The following GALNTL6 variants were observed in gnomAD, a reference collection of about 807,000 sequenced individuals.
GALNTL6 encodes polypeptide N-acetylgalactosaminyltransferase like 6, also known as polypeptide N-acetylgalactosaminyltransferase-like 6.
In GALNTL6, 46 loss-of-function variants were observed where a neutral mutation model predicts 73.7. That is an observed-to-expected ratio of 0.62 (90% confidence interval 0.49 to 0.80). GALNTL6 has a LOEUF of 0.80. GALNTL6 is among the 30% of genes least tolerant of loss of function. The probability of loss-of-function intolerance (pLI) is 0.00; values close to 1 mark genes in which losing one functional copy is unlikely to be tolerated. For missense variants in GALNTL6, 604 were observed against 755.0 expected (o/e 0.80, Z 2.34); for synonymous variants, 259 against 263.7 (o/e 0.98, Z 0.17).
intron 2 of GALNTL6, among the ~76,000 whole-genome samples, chr4:172,156,219 G>T (rs116036737): frequency 2.0e-5 from 3 of 152,210 alleles, no homozygotes; most frequent in Non-Finnish European, 2.9e-5. Flanking sequence ...TCGATCTTCA[G>T]CGGGTATGTG....
chr4:172,142,543 G>A (rs1241269935), intron 2 of GALNTL6, among the ~76,000 whole-genome samples: 1 of 151,910 alleles, frequency 6.6e-6, no homozygotes, highest in African/African-American at 2.4e-5. Context: ...CTCCTTTTAT[G>A]TTCAATTGGA....
chr4:172,521,517 A>G (rs867386704), intron 5 of GALNTL6, among the ~76,000 whole-genome samples: 28 of 152,298 alleles, frequency 1.8e-4, no homozygotes, highest in African/African-American at 6.3e-4. Flanking sequence ...GTAATGAAAG[A>G]AGGTACCCTT....
intron 2 of GALNTL6, among the ~76,000 whole-genome samples, chr4:172,069,306 C>T (rs1731438123): frequency 9.8e-6 from 1 of 101,828 alleles, no homozygotes; most frequent in Non-Finnish European, 2.1e-5. Flanking sequence ...ATTCATTCAT[C>T]CAGCATTCAG....
intron 5 of GALNTL6, among the ~76,000 whole-genome samples, chr4:172,735,327 A>G (rs922407006): frequency 5.3e-5 from 8 of 152,124 alleles, no homozygotes; most frequent in South Asian, 4.1e-4. Context: ...TTATTTTGGA[A>G]CTTTGAGGTT....
intron 5 of GALNTL6, among the ~76,000 whole-genome samples, chr4:172,656,842 GA>G (rs1731053818): frequency 6.6e-6 from 1 of 152,182 alleles, no homozygotes; most frequent in Non-Finnish European, 1.5e-5. Flanking sequence ...ACTGGGGAAA[GA>G]AAAATGTGCT....
chr4:172,217,691 C>T (rs572935875), intron 2 of GALNTL6, among the ~76,000 whole-genome samples: 4 of 152,220 alleles, frequency 2.6e-5, no homozygotes, highest in African/African-American at 9.6e-5. Context: ...TTCATTCGAG[C>T]CCTTAACATG....
At chr4:172,582,994 A>G (rs756631284) in intron 5 of GALNTL6, among the ~76,000 whole-genome samples, 6 of 152,202 alleles carry the variant, frequency 3.9e-5, no homozygotes, top group Non-Finnish European at 8.8e-5. Flanking sequence ...GAGAAAGTAC[A>G]GGGACTACAT....
At chr4:172,383,497 G>A (rs1042045691) in intron 5 of GALNTL6, among the ~76,000 whole-genome samples, 2 of 152,098 alleles carry the variant, frequency 1.3e-5, no homozygotes, top group Admixed American at 6.5e-5. Flanking sequence ...TAATTTTTGT[G>A]TGAAATTCTC....
chr4:172,006,453 C>T (rs1044475267), intron 2 of GALNTL6, among the ~76,000 whole-genome samples: 6 of 151,906 alleles, frequency 3.9e-5, no homozygotes. Flanking sequence ...CATAGTGAGA[C>T]CCTTTCTTTA....
At chr4:172,637,576 T>C (rs1177209257) in intron 5 of GALNTL6, among the ~76,000 whole-genome samples, 3 of 152,184 alleles carry the variant, frequency 2.0e-5, no homozygotes, top group Non-Finnish European at 1.5e-5. Flanking sequence ...TAAGTATTCA[T>C]TTTCCCAAGT....
chr4:172,190,694 A>C (rs1735551499), intron 2 of GALNTL6, among the ~76,000 whole-genome samples: 1 of 152,204 alleles, frequency 6.6e-6, no homozygotes, highest in African/African-American at 2.4e-5. Flanking sequence ...CAGGTTAATA[A>C]GTTTTGTTTT....
intron 5 of GALNTL6, among the ~76,000 whole-genome samples, chr4:172,675,881 C>T (rs1227694208): frequency 6.6e-6 from 1 of 152,168 alleles, no homozygotes; most frequent in Non-Finnish European, 1.5e-5. Context: ...TTTCTGAATC[C>T]TTGAGGCATG....
intron 5 of GALNTL6, among the ~76,000 whole-genome samples, chr4:172,573,492 C>A (rs556060799): frequency 6.6e-6 from 1 of 152,118 alleles, no homozygotes; most frequent in Non-Finnish European, 1.5e-5. Context: ...ATTTCTCACT[C>A]CCAAGGATTT....
intron 7 of GALNTL6, among the ~76,000 whole-genome samples, chr4:172,851,391 T>C (rs577732272): frequency 1.9e-4 from 28 of 149,686 alleles, no homozygotes; most frequent in Admixed American, 6.1e-4. Flanking sequence ...TATATATGTA[T>C]GTATGTACTT....
At chr4:172,767,964 G>A (rs1278494853) in intron 5 of GALNTL6, among the ~76,000 whole-genome samples, 1 of 151,958 alleles carries the variant, frequency 6.6e-6, no homozygotes, top group Non-Finnish European at 1.5e-5. Flanking sequence ...CACTGCGCCT[G>A]GCCGAGAACT....
chr4:171,975,124 C>G (rs934604807), intron 2 of GALNTL6, among the ~76,000 whole-genome samples: 29 of 152,154 alleles, frequency 1.9e-4, no homozygotes, highest in African/African-American at 7.0e-4. Context: ...GGGTAGTAAG[C>G]ACTTTGCTAA....
At chr4:171,882,606 C>T (rs1736481250) in intron 2 of GALNTL6, among the ~76,000 whole-genome samples, 1 of 152,116 alleles carries the variant, frequency 6.6e-6, no homozygotes, top group South Asian at 2.1e-4. Context: ...TGGTGTAAGT[C>T]CAAGAGTCCA....
intron 5 of GALNTL6, among the ~76,000 whole-genome samples, chr4:172,361,459 AAAC>A (rs1169550169): frequency 2.0e-5 from 3 of 152,124 alleles, no homozygotes; most frequent in African/African-American, 4.8e-5. Context: ...AAACAAAACA[AAAC>A]AACAACAACA....
chr4:172,306,113 G>A (rs1183200344), intron 3 of GALNTL6, among the ~76,000 whole-genome samples: 5 of 152,234 alleles, frequency 3.3e-5, no homozygotes, highest in Admixed American at 2.0e-4. Flanking sequence ...TGTTGGCCGG[G>A]CGTGGTGGCT....
Sources: allele counts gnomAD v4.1 joint callset (sites outside exome capture counted in the v4.1 genomes callset), GRCh38; gene constraint gnomAD v4.1.1; transcripts MANE v1.5; gene names NCBI Gene and HGNC (gene_info 2026-07-23, HGNC 2026-07-21).